MPP7: variants seen among roughly 807,000 people sequenced by gnomAD.
MPP7 encodes MAGUK p55 subfamily member 7.
In MPP7, 60 loss-of-function variants were observed where a neutral mutation model predicts 76.5. The ratio of observed to expected loss-of-function variants is 0.78; its 90% CI spans 0.64 to 0.97. MPP7 has a LOEUF of 0.97. Ranked by LOEUF, MPP7 falls within the 50% of genes least tolerant of loss-of-function variation. The pLI is 0.00. For synonymous variants in MPP7, 237 were observed against 244.5 expected (o/e 0.97, Z 0.29); for missense variants, 641 against 694.0 (o/e 0.92, Z 0.86).
chr10:28,229,058 T>TA (rs1452948870), intron 2 of MPP7, among the ~76,000 whole-genome samples: 1 of 152,144 alleles, frequency 6.6e-6, no homozygotes, highest in Non-Finnish European at 1.5e-5. Context: ...GAAGTACAGG[T>TA]AACATCTTAA....
chr10:28,307,182 A>C (rs962234641), upstream of MPP7, among the ~76,000 whole-genome samples: 1 of 152,162 alleles, frequency 6.6e-6, no homozygotes, highest in Non-Finnish European at 1.5e-5. Context: ...CTAGTTACTG[A>C]AAGTCTTCAC....
At chr10:28,244,191 C>CT in intron 1 of MPP7, among the ~76,000 whole-genome samples, 1 of 152,300 alleles carries the variant, frequency 6.6e-6, no homozygotes, top group East Asian at 1.9e-4. Context: ...TATATCCTTA[C>CT]ATCCTATCTG....
At chr10:28,163,894 A>AC (rs1470469587) in intron 3 of MPP7, among the ~76,000 whole-genome samples, 1 of 146,326 alleles carries the variant, frequency 6.8e-6, no homozygotes, top group Non-Finnish European at 1.5e-5. Context: ...CTGGGTGATA[A>AC]AACTCCAGAG....
At chr10:28,082,998 T>C (rs1852834664) in intron 12 of MPP7, among the ~76,000 whole-genome samples, 1 of 152,144 alleles carries the variant, frequency 6.6e-6, no homozygotes, top group Non-Finnish European at 1.5e-5. Flanking sequence ...AAAGTAGGTG[T>C]TTTTATTATC....
chr10:28,294,897 G>A (rs1017079330), intron 1 of MPP7, among the ~76,000 whole-genome samples: 5 of 152,176 alleles, frequency 3.3e-5, no homozygotes, highest in African/African-American at 1.2e-4. Flanking sequence ...TAAAGTCAAA[G>A]TACTAGAAAG....
intron 2 of MPP7, among the ~76,000 whole-genome samples, chr10:28,328,720 T>A (rs1249084645): frequency 6.6e-6 from 1 of 152,222 alleles, no homozygotes; most frequent in Non-Finnish European, 1.5e-5. Flanking sequence ...TAGTTATATT[T>A]GCAGCGTTTA....
intron 2 of MPP7, among the ~76,000 whole-genome samples, chr10:28,230,368 G>A (rs561496858): frequency 2.0e-5 from 3 of 151,876 alleles, no homozygotes; most frequent in Non-Finnish European, 2.9e-5. Flanking sequence ...CAATTCACAA[G>A]AGCTCCATCA....
At position 28,065,934 on chromosome 10, in the gene MPP7, A is replaced by T. The variant is rs937163083; in HGVS notation, c.1204+3838T>A. Among the ~76,000 whole-genome samples the T allele has an allele frequency of 2.6e-5, 4 of 152,342 alleles. No homozygotes were observed. The South Asian group carries it at 8.3e-4, about 32-fold the overall frequency. ...AGCTATCAAATATTTGATGTCTACC[A>T]TAATAATTTTTGTTACCTATTTTAT... On this transcript the variant is annotated intron_variant, in intron 13 of 16. Coordinates refer to ENST00000683449, the MANE Select transcript of MPP7 (RefSeq NM_001318170.2).
chr10:28,257,067 T>G (rs2132897973), intron 1 of MPP7, among the ~76,000 whole-genome samples: 1 of 152,322 alleles, frequency 6.6e-6, no homozygotes, highest in East Asian at 1.9e-4. Context: ...AGAAACAGCA[T>G]AAGTTTCAAC....
intron 2 of MPP7, among the ~76,000 whole-genome samples, chr10:28,319,044 C>A (rs533629364): frequency 6.6e-6 from 1 of 152,120 alleles, no homozygotes; most frequent in South Asian, 2.1e-4. Flanking sequence ...TAATATATAA[C>A]GAAGAGTTTT....
intron 14 of MPP7, chr10:28,059,442 T>A: frequency 2.1e-6 from 1 of 480,860 alleles, no homozygotes; most frequent in East Asian, 3.7e-5. Flanking sequence ...ACACATTTTA[T>A]AGAAATGAAG....
chr10:28,267,825 C>A (rs2133000338), intron 1 of MPP7, among the ~76,000 whole-genome samples: 1 of 152,054 alleles, frequency 6.6e-6, no homozygotes, highest in Middle Eastern at 3.4e-3. Context: ...CACTTGAGGT[C>A]AGCAGTTTGA....
At position 28,229,416 on chromosome 10, in the gene MPP7, T is replaced by C. The variant is rs896983428; in HGVS notation, c.37+9152A>G. On this transcript the variant is annotated intron_variant, in intron 2 of 16. Coordinates refer to ENST00000683449, the MANE Select transcript of MPP7 (RefSeq NM_001318170.2). ...CCAAGAATGAGCACAAATAAAAACA[T>C]TTTCAGCAATAACAGAGACAGTTTG... Among the ~76,000 whole-genome samples, 5 of 152,298 alleles carry C rather than the reference T, an allele frequency of 3.3e-5. No homozygotes were observed. The South Asian group carries it at 1.0e-3, about 32-fold the overall frequency.
rs920872247 is a variant in MPP7, at chr10:28,192,850, G to A, written c.156+9303C>T. 5.3e-5 allele frequency among the ~76,000 whole-genome samples: 8 copies of A among 152,272 alleles called. No individual in the cohort carries two copies. The East Asian group carries it at 5.8e-4, about 11-fold the overall frequency. On this transcript the variant is annotated intron_variant, in intron 3 of 16. Transcript: ENST00000683449. Reference sequence around the variant, plus strand: ...AGAAGAACAAAGTCTGAGGGCTGACGCTACCCTACTTCAAAACTAACTATA... The same window carrying A: ...AGAAGAACAAAGTCTGAGGGCTGACACTACCCTACTTCAAAACTAACTATA...
At chr10:28,245,833 T>C (rs750984013) in intron 1 of MPP7, among the ~76,000 whole-genome samples, 9 of 147,440 alleles carry the variant, frequency 6.1e-5, no homozygotes, top group Non-Finnish European at 1.3e-4. Flanking sequence ...AGCTTACAAA[T>C]ACAATAATGG....
Position 28,257,015 on chromosome 10 carries a change from G to A in MPP7, c.-131-18280C>T, listed in dbSNP as rs1588990643. On this transcript the variant is annotated intron_variant, in intron 1 of 16. Transcript: ENST00000683449. ...ACAGTCATGATTACAAGTGCTCTGA[G>A]TTATGTCAGCCTGACCCACAGAAAG... Among the ~76,000 whole-genome samples, 3 of 152,182 alleles carry A rather than the reference G, an allele frequency of 2.0e-5. No homozygotes were observed. In the East Asian group the frequency reaches 5.8e-4, roughly 29 times the overall value.
At chr10:28,120,471 A>T in intron 9 of MPP7, 81 bp from the exon 10 acceptor site, 1 of 1,486,868 alleles carries the variant, frequency 6.7e-7, no homozygotes, top group South Asian at 1.2e-5. Context: ...CTCCGACTCC[A>T]AACATAGTAA....
intron 1 of MPP7, among the ~76,000 whole-genome samples, chr10:28,247,276 G>T (rs765993805): frequency 2.6e-5 from 4 of 152,094 alleles, no homozygotes; most frequent in Admixed American, 6.6e-5. Flanking sequence ...GTCTAGTTTT[G>T]TCAGTTTCCT....
intron 11 of MPP7, among the ~76,000 whole-genome samples, chr10:28,112,249 G>A (rs767899057): frequency 6.6e-6 from 1 of 152,190 alleles, no homozygotes; most frequent in Admixed American, 6.5e-5. Flanking sequence ...ATGGACATCA[G>A]ATGGGTCACT....
Sources: allele counts gnomAD v4.1 joint callset (sites outside exome capture counted in the v4.1 genomes callset), GRCh38; gene constraint gnomAD v4.1.1; transcripts MANE v1.5; gene names NCBI Gene and HGNC (gene_info 2026-07-23, HGNC 2026-07-21).